The following DIPK2B variants were observed in gnomAD, a reference collection of about 807,000 sequenced individuals.
DIPK2B encodes UPF0672 protein CXorf36.
A neutral mutation model predicts 22.2 loss-of-function variants in DIPK2B; 15 were observed. That is an observed-to-expected ratio of 0.68 (90% confidence interval 0.45 to 1.04). The LOEUF is 1.04. Ranked by LOEUF, DIPK2B falls within the 50% of genes least tolerant of loss-of-function variation. The probability of loss-of-function intolerance (pLI) is 0.00; values close to 1 mark genes in which losing one functional copy is unlikely to be tolerated. For synonymous variants in DIPK2B, 163 were observed against 153.2 expected (o/e 1.06, Z -0.47); for missense variants, 345 against 348.3 (o/e 0.99, Z 0.08).
chrX:45,191,853 A>G lies in DIPK2B; in HGVS notation c.396T>C (p.Ser132=). 8.2e-7 allele frequency: 1 copy of G among 1,212,157 alleles called. No individual in the cohort carries two copies. The highest frequency in any genetic ancestry group is 1.1e-6 in the Non-Finnish European group (1 of 895,575). The stretch of plus-strand genomic sequence containing the variant: ...TGCTGCAGGTCTTTGGGGCTGATGC[A>G]GAGGCACAGATTCTCCTGTCTGAGA... ...NEISDRRICA[S]ASAPKTCSIE... The change falls in exon 2 of 5, where the codon TCT becomes TCC. Residue 132 remains serine, a synonymous_variant. Coordinates refer to ENST00000398000, the MANE Select transcript of DIPK2B (RefSeq NM_176819.4).
At chrX:45,155,189 G>A (rs867264640) in intron 3 of DIPK2B, among the ~76,000 whole-genome samples, 79 of 109,547 alleles carry the variant, frequency 7.2e-4, no homozygotes, top group South Asian at 5.8e-3. Context: ...TTGGGAGGCC[G>A]ACGCAGGTGG....
At chrX:45,173,283 G>A (rs950405873) in intron 2 of DIPK2B, among the ~76,000 whole-genome samples, 2 of 111,024 alleles carry the variant, frequency 1.8e-5, no homozygotes, top group African/African-American at 6.6e-5. Flanking sequence ...TAACTGCCCT[G>A]AGTCTATATT....
At chrX:45,169,863 T>C (rs1331750901) in intron 2 of DIPK2B, among the ~76,000 whole-genome samples, 1 of 111,609 alleles carries the variant, frequency 9.0e-6, no homozygotes, top group South Asian at 3.8e-4. Context: ...GTGAGTGTTA[T>C]CAACTTTTCA....
chrX:45,161,269 C>T (rs940956194), intron 2 of DIPK2B, among the ~76,000 whole-genome samples: 1 of 112,430 alleles, frequency 8.9e-6, no homozygotes, highest in Admixed American at 9.4e-5. Flanking sequence ...TGGCCAGGCA[C>T]GGTTGCCCAT....
At position 45,191,962 on chromosome X, in the gene DIPK2B, GA is replaced by G. The variant is rs2047213867; in HGVS notation, c.286del (p.Ser96LeufsTer183). 1 of 1,211,648 alleles carries G rather than the reference GA, an allele frequency of 8.3e-7. No individual in the cohort carries two copies. The highest frequency in any genetic ancestry group is 1.1e-6 in the Non-Finnish European group (1 of 895,372). On this transcript the variant is annotated frameshift_variant, in exon 2 of 5. Coordinates refer to ENST00000398000, the MANE Select transcript of DIPK2B (RefSeq NM_176819.4). LOFTEE classifies it high-confidence loss of function. ...HLGLPPDSLL[S>X]YPANYSDDSK... Reference sequence around the variant, plus strand: ...ATCATCTGAGTAATTTGCAGGATAAGAAAGCAAGGAATCGGGAGGCAGTCCA... The same window carrying G: ...ATCATCTGAGTAATTTGCAGGATAAGAAGCAAGGAATCGGGAGGCAGTCCA...
intron 2 of DIPK2B, among the ~76,000 whole-genome samples, chrX:45,159,107 G>C (rs1221816249): frequency 9.0e-6 from 1 of 110,762 alleles, no homozygotes; most frequent in Non-Finnish European, 1.9e-5. Context: ...TACACAGCCT[G>C]AAATTCCACC....
chrX:45,163,258 C>T, intron 2 of DIPK2B: 1 of 319,874 alleles, frequency 3.1e-6, no homozygotes, highest in Non-Finnish European at 4.1e-6. Context: ...GATTGCAGGC[C>T]TACCATATGG....
chrX:45,172,065 C>T (rs2047085476), intron 2 of DIPK2B, among the ~76,000 whole-genome samples: 2 of 111,765 alleles, frequency 1.8e-5, no homozygotes, highest in African/African-American at 6.5e-5. Flanking sequence ...ACAGAGAGAT[C>T]CAGTCTGCTG....
intron 2 of DIPK2B, among the ~76,000 whole-genome samples, chrX:45,191,110 T>C (rs2047208747): frequency 8.9e-6 from 1 of 112,090 alleles, no homozygotes; most frequent in Non-Finnish European, 1.9e-5. Flanking sequence ...AGAAGGATTG[T>C]ACTTGAGATG....
Position 45,191,860 on chromosome X carries a change from C to T in DIPK2B, c.389G>A (p.Cys130Tyr). 1.6e-6 allele frequency: 2 copies of T among 1,212,130 alleles called. No individual in the cohort carries two copies. The highest frequency in any genetic ancestry group is 2.2e-6 in the Non-Finnish European group (2 of 895,566). The change falls in exon 2 of 5, where the codon TGT (cysteine) becomes TAT (tyrosine). Residue 130 changes from cysteine (C) to tyrosine (Y), a missense_variant. Coordinates refer to ENST00000398000, the MANE Select transcript of DIPK2B (RefSeq NM_176819.4). Reference sequence around the variant, plus strand: ...GGTCTTTGGGGCTGATGCAGAGGCACAGATTCTCCTGTCTGAGATCTCGTT... The same window carrying T: ...GGTCTTTGGGGCTGATGCAGAGGCATAGATTCTCCTGTCTGAGATCTCGTT... ...YQNEISDRRI[C>Y]ASASAPKTCS...
Position 45,149,108 on chromosome X carries a change from A to G in DIPK2B, c.*2544T>C, listed in dbSNP as rs2046947898. The G allele has an allele frequency of 1.8e-5, 2 of 112,808 alleles. No individual in the cohort carries two copies. The highest frequency in any genetic ancestry group is 6.4e-5 in the African/African-American group (2 of 31,078). 9.3% of individuals were successfully genotyped at this position (112,808 alleles called of 1,213,427 possible). On this transcript the variant is annotated 3_prime_UTR_variant, in exon 5 of 5. Coordinates refer to ENST00000398000, the MANE Select transcript of DIPK2B (RefSeq NM_176819.4). ...AGGCATTTGAGGGTTACCTCAGACC[A>G]CATGCTGACCCACGCAGGGCCAAAG...
intron 2 of DIPK2B, among the ~76,000 whole-genome samples, chrX:45,169,851 G>A (rs2047069687): frequency 8.9e-6 from 1 of 111,850 alleles, no homozygotes; most frequent in South Asian, 3.7e-4. Context: ...AAGGGTTGGG[G>A]AGTGAGTGTT....
At chrX:45,179,682 A>G (rs2047138546) in intron 2 of DIPK2B, among the ~76,000 whole-genome samples, 1 of 111,604 alleles carries the variant, frequency 9.0e-6, no homozygotes, top group Non-Finnish European at 1.9e-5. Context: ...TTAGTGAGCT[A>G]AAACAAGGCA....
chrX:45,167,636 G>A (rs2047056141), intron 2 of DIPK2B, among the ~76,000 whole-genome samples: 1 of 110,000 alleles, frequency 9.1e-6, no homozygotes, highest in Admixed American at 9.7e-5. Flanking sequence ...AAAGCTTTTT[G>A]GTGTGTTAAC....
chrX:45,176,115 G>A (rs2047116831), intron 2 of DIPK2B, among the ~76,000 whole-genome samples: 1 of 110,619 alleles, frequency 9.0e-6, no homozygotes, highest in African/African-American at 3.3e-5. Flanking sequence ...ACGGCCCCCT[G>A]AGCTGTGAGA....
chrX:45,176,514 C>T (rs1234796265), intron 2 of DIPK2B, among the ~76,000 whole-genome samples: 1 of 112,034 alleles, frequency 8.9e-6, no homozygotes, highest in East Asian at 2.8e-4. Context: ...AAATGACTAC[C>T]TGCTGGATCT....
intron 2 of DIPK2B, among the ~76,000 whole-genome samples, chrX:45,173,457 G>A (rs1324678788): frequency 9.0e-6 from 1 of 111,005 alleles, no homozygotes; most frequent in Non-Finnish European, 1.9e-5. Context: ...GTACCTGAGA[G>A]AAGCTCCTGG....
chrX:45,162,703 C>T, intron 2 of DIPK2B: 2 of 754,596 alleles, frequency 2.7e-6, no homozygotes, highest in Non-Finnish European at 3.1e-6. Flanking sequence ...TAACTTACCA[C>T]CTCCCAGTGA....
At chrX:45,163,538 A>G (rs1400919151) in intron 2 of DIPK2B, 6 of 752,713 alleles carry the variant, frequency 8.0e-6, no homozygotes, top group Middle Eastern at 7.5e-4. Context: ...GCTTTCATCC[A>G]TACCCCCGAG....
Sources: allele counts gnomAD v4.1 joint callset (sites outside exome capture counted in the v4.1 genomes callset), GRCh38; gene constraint gnomAD v4.1.1; transcripts MANE v1.5; gene names NCBI Gene and HGNC (gene_info 2026-07-23, HGNC 2026-07-21).